The following ZBTB40 variants were observed in gnomAD, a reference collection of about 807,000 sequenced individuals.
ZBTB40 encodes zinc finger and BTB domain-containing protein 40.
Under a neutral mutation model 117.5 loss-of-function variants are expected in ZBTB40, and 60 were observed. That is an observed-to-expected ratio of 0.51 (90% CI 0.41 to 0.63). The LOEUF is 0.63. Ranked by LOEUF, ZBTB40 falls within the 30% of genes least tolerant of loss-of-function variation. ZBTB40 has a pLI of 0.00. For missense variants in ZBTB40, 1,287 were observed against 1,498.5 expected, an observed-to-expected ratio of 0.86 and a Z score of 2.33; for synonymous variants, 525 against 577.1, an observed-to-expected ratio of 0.91 and a Z score of 1.29.
intron 1 of ZBTB40, among the ~76,000 whole-genome samples, chr1:22,482,936 A>G (rs1384408899): frequency 1.3e-5 from 2 of 152,026 alleles, no homozygotes; most frequent in African/African-American, 4.8e-5. Context: ...AAAATTAGCC[A>G]GGCGTGGTGG....
chr1:22,508,955 C>A (rs12032423), intron 8 of ZBTB40, 145 bp from the exon 9 acceptor site: 1 of 1,253,694 alleles, frequency 8.0e-7, no homozygotes, highest in Non-Finnish European at 1.2e-6. Context: ...GATTACAGTG[C>A]TATTTGCCGT....
Position 22,502,370 on chromosome 1 carries a change from A to C in ZBTB40, c.1096A>C (p.Thr366Pro), listed in dbSNP as rs1458853830. The C allele has an allele frequency of 1.9e-6, 3 of 1,614,130 alleles. No homozygotes were observed. The highest frequency in any genetic ancestry group is 2.5e-6 in the Non-Finnish European group (3 of 1,179,986). ...CAAAGAGGACCTGATACAGTGTGTA[A>C]CACAGCTGAGACCTATTATGGAGTC... ...EHKEDLIQCV[T>P]QLRPIMESLE... is the part of the protein sequence containing the mutation. The change falls in exon 5 of 18, where the codon ACA (threonine) becomes CCA (proline). Residue 366 changes from threonine to proline, a missense_variant. Thr to Pro is a conservative substitution (Grantham distance 38, BLOSUM62 -1). Around this residue, in one of 2 missense-constraint regions of ZBTB40, gnomAD observed 870 missense variants for 934.4 expected, o/e 0.93. Transcript: ENST00000375647.
chr1:22,509,723 A>G (rs1034484098), intron 9 of ZBTB40, among the ~76,000 whole-genome samples: 1 of 152,194 alleles, frequency 6.6e-6, no homozygotes, highest in Non-Finnish European at 1.5e-5. Context: ...CCAGCTCTAC[A>G]TGGCAGGTGA....
chr1:22,521,009 T>A (rs979746106), intron 14 of ZBTB40, among the ~76,000 whole-genome samples: 1 of 152,184 alleles, frequency 6.6e-6, no homozygotes, highest in Admixed American at 6.5e-5. Context: ...GAGGGACTCT[T>A]GCTTATGGGG....
intron 4 of ZBTB40, 92 bp from the exon 5 acceptor site, chr1:22,502,207 C>A: frequency 6.9e-7 from 1 of 1,452,574 alleles, no homozygotes; most frequent in Non-Finnish European, 9.5e-7. Context: ...AATCACTTTA[C>A]TATTCTGTTA....
intron 2 of ZBTB40, among the ~76,000 whole-genome samples, 156 bp downstream of exon 2, chr1:22,490,801 T>A (rs906934018): frequency 6.6e-6 from 1 of 152,250 alleles, no homozygotes; most frequent in African/African-American, 2.4e-5. Context: ...GTGTCTGTGT[T>A]TTTGAACATT....
chr1:22,508,251 A>C (rs1639128030), intron 7 of ZBTB40, 114 bp downstream of exon 7: 4 of 1,272,966 alleles, frequency 3.1e-6, no homozygotes, highest in Non-Finnish European at 4.4e-6. Flanking sequence ...AGCCATGTTG[A>C]GAATTGCTAA....
intron 5 of ZBTB40, 109 bp from the exon 6 acceptor site, chr1:22,505,940 T>C (rs1639064545): frequency 9.1e-7 from 1 of 1,103,578 alleles, no homozygotes; most frequent in South Asian, 1.3e-5. Context: ...AGAAGAGGAC[T>C]TGGAGATCAG....
intron 1 of ZBTB40, among the ~76,000 whole-genome samples, chr1:22,440,672 T>C (rs1480267840): frequency 6.6e-6 from 1 of 152,050 alleles, no homozygotes; most frequent in Middle Eastern, 3.2e-3. Flanking sequence ...TTGAGTGTTT[T>C]TTTTTTAATC....
At chr1:22,460,289 A>C (rs1188110273) in intron 1 of ZBTB40, among the ~76,000 whole-genome samples, 1 of 152,174 alleles carries the variant, frequency 6.6e-6, no homozygotes, top group Non-Finnish European at 1.5e-5. Context: ...TTGTATTTCT[A>C]AGTCTGCAGC....
Position 22,429,288 on chromosome 1 carries a change from A to C in ZBTB40, c.-70+274A>C, listed in dbSNP as rs536363946. ...TCCCAGCTACTCGGGAGGCTGAGGC[A>C]GGAGAATGGCTGAACCCGGAAGGCG... On this transcript the variant is annotated intron_variant, in intron 1 of 8. Coordinates refer to the ZBTB40 transcript ENST00000650433. 4.3e-4 allele frequency among the ~76,000 whole-genome samples: 66 copies of C among 152,220 alleles called. No individual in the cohort carries two copies. In the East Asian group the frequency reaches 4.8e-3, roughly 11 times the overall value.
intron 7 of ZBTB40, 108 bp downstream of exon 7, chr1:22,508,245 A>T: frequency 7.5e-7 from 1 of 1,332,678 alleles, no homozygotes. Context: ...ATATGTAGCC[A>T]TGTTGAGAAT....
At chr1:22,502,748 C>T (rs991497372) in intron 5 of ZBTB40, among the ~76,000 whole-genome samples, 1 of 152,098 alleles carries the variant, frequency 6.6e-6, no homozygotes, top group Non-Finnish European at 1.5e-5. Flanking sequence ...GACCGATGGA[C>T]AGATGGATAT....
At position 22,490,651 on chromosome 1, in the gene ZBTB40, A is replaced by G; in HGVS notation, c.697+6A>G. ...GAAGACAAGCACAGAACCAGGTAAC[A>G]GTCATTGTTTTATATTCCATCCTTC... On this transcript the variant is annotated splice_donor_region_variant and intron_variant, in intron 2 of 17. Coordinates refer to ENST00000375647, the MANE Select transcript of ZBTB40 (RefSeq NM_014870.4). The G allele has an allele frequency of 6.2e-7, 1 of 1,612,408 alleles. No homozygotes were observed. The highest frequency in any genetic ancestry group is 8.5e-7 in the Non-Finnish European group (1 of 1,179,656).
chr1:22,494,424 A>G (rs1418466271), intron 3 of ZBTB40, among the ~76,000 whole-genome samples: 1 of 152,210 alleles, frequency 6.6e-6, no homozygotes, highest in African/African-American at 2.4e-5. Context: ...GTATAGAAAA[A>G]TCATCTGAGG....
intron 1 of ZBTB40, among the ~76,000 whole-genome samples, chr1:22,465,107 C>T (rs773508216): frequency 7.2e-5 from 11 of 152,126 alleles, no homozygotes; most frequent in Non-Finnish European, 1.2e-4. Flanking sequence ...AGAGGAGACC[C>T]GCGATGGTTA....
chr1:22,506,186 C>T lies in ZBTB40; in HGVS notation c.1305C>T (p.Asn435=). The T allele has an allele frequency of 6.2e-7, 1 of 1,614,198 alleles. No homozygotes were observed. The highest frequency in any genetic ancestry group is 8.5e-7 in the Non-Finnish European group (1 of 1,180,030). Residue 435 remains asparagine (N), a synonymous_variant, in exon 6 of 18, where the codon AAC becomes AAT. Transcript: ENST00000375647. ...AGGCTGTGAAGACGACTTTCCCAAA[C>T]CTGGGCCTTCTGCTAGAGAAGTTGC... ...LLQAVKTTFP[N]LGLLLEKLQK... is the part of the protein sequence containing the mutation.
intron 1 of ZBTB40, among the ~76,000 whole-genome samples, chr1:22,466,022 C>T (rs1256082927): frequency 6.6e-6 from 1 of 152,178 alleles, no homozygotes; most frequent in African/African-American, 2.4e-5. Flanking sequence ...TGTTAGTAGT[C>T]ACTCCCCATT....
intron 1 of ZBTB40, among the ~76,000 whole-genome samples, chr1:22,442,801 T>C (rs1411544299): frequency 6.6e-6 from 1 of 152,222 alleles, no homozygotes; most frequent in African/African-American, 2.4e-5. Flanking sequence ...ATCTCCTATA[T>C]GGTTGTTCTA....
Sources: gnomAD v4.1 joint callset for allele counts (sites outside exome capture counted in the v4.1 genomes callset) on GRCh38, gnomAD v4.1.1 for gene constraint, gnomAD v4.1.1 regional missense constraint, MANE v1.5 for transcripts, NCBI Gene and HGNC (gene_info 2026-07-23, HGNC 2026-07-21) for gene names.